The following TIAM1 variants were observed in gnomAD, a reference collection of about 807,000 sequenced individuals.
TIAM1 encodes the protein rho guanine nucleotide exchange factor TIAM1.
Under a neutral mutation model 163.5 loss-of-function variants are expected in TIAM1, and 65 were observed. That is an observed-to-expected ratio of 0.40 (90% confidence interval 0.33 to 0.49). The LOEUF (loss-of-function observed/expected upper bound fraction) is 0.49, where lower values mean the gene tolerates loss of function less well. Ranked by LOEUF, TIAM1 falls within the 20% of genes least tolerant of loss-of-function variation. TIAM1 has a pLI of 0.77. For missense variants in TIAM1, 1,789 were observed against 2,044.7 expected (o/e 0.87, Z 2.41); for synonymous variants, 833 against 810.1 (o/e 1.03, Z -0.48).
chr21:31,460,655 T>C (rs1875833879), intron 2 of TIAM1, among the ~76,000 whole-genome samples: 1 of 152,132 alleles, frequency 6.6e-6, no homozygotes. Context: ...GAAGTGCTAC[T>C]GTTGAAGAAC....
At chr21:31,485,855 T>A (rs970271676) in intron 1 of TIAM1, among the ~76,000 whole-genome samples, 3 of 152,144 alleles carry the variant, frequency 2.0e-5, no homozygotes, top group Non-Finnish European at 2.9e-5. Flanking sequence ...ATTCCTACTT[T>A]GCAGATGAGG....
intron 1 of TIAM1, among the ~76,000 whole-genome samples, chr21:31,512,091 T>A (rs1228466123): frequency 6.6e-6 from 1 of 152,070 alleles, no homozygotes; most frequent in Non-Finnish European, 1.5e-5. Context: ...CTGCAATTTA[T>A]TTTATTTGTT....
At chr21:31,298,799 TGAGAGAGA>T (rs72318608) in intron 2 of TIAM1, among the ~76,000 whole-genome samples, 90 of 130,024 alleles carry the variant, frequency 6.9e-4, no homozygotes, top group Non-Finnish European at 9.9e-4. Context: ...AAAAAAACAA[TGAGAGAGA>T]GAGAGAGAGA....
At chr21:31,283,689 C>A (rs1342869688) in intron 2 of TIAM1, among the ~76,000 whole-genome samples, 1 of 152,156 alleles carries the variant, frequency 6.6e-6, no homozygotes. Context: ...GGACTACAAG[C>A]GCACATCATG....
At chr21:31,483,558 G>A (rs866590517) in intron 1 of TIAM1, among the ~76,000 whole-genome samples, 4 of 151,936 alleles carry the variant, frequency 2.6e-5, no homozygotes, top group Admixed American at 2.6e-4. Flanking sequence ...ATTCATTTTG[G>A]GACAACCAGA....
intron 2 of TIAM1, among the ~76,000 whole-genome samples, chr21:31,430,512 T>C (rs1391043991): frequency 2.0e-5 from 3 of 151,914 alleles, no homozygotes; most frequent in Non-Finnish European, 4.4e-5. Flanking sequence ...TTTATACTTA[T>C]GTATTATGTA....
chr21:31,371,103 T>A (rs1434301322), intron 2 of TIAM1, among the ~76,000 whole-genome samples: 1 of 152,220 alleles, frequency 6.6e-6, no homozygotes, highest in East Asian at 1.9e-4. Flanking sequence ...TCATCAAAAG[T>A]TCCTGACAAC....
At chr21:31,445,413 G>A (rs1359047830) in intron 2 of TIAM1, among the ~76,000 whole-genome samples, 1 of 152,190 alleles carries the variant, frequency 6.6e-6, no homozygotes, top group African/African-American at 2.4e-5. Context: ...TGCTGAAAGA[G>A]GGGCAATGGC....
At chr21:31,390,996 G>A (rs2076956551) in intron 2 of TIAM1, among the ~76,000 whole-genome samples, 1 of 152,162 alleles carries the variant, frequency 6.6e-6, no homozygotes, top group South Asian at 2.1e-4. Context: ...AAGGCAGACA[G>A]GCAGATACCT....
intron 12 of TIAM1, among the ~76,000 whole-genome samples, chr21:31,195,610 T>C (rs917367930): frequency 2.6e-5 from 4 of 152,080 alleles, no homozygotes; most frequent in African/African-American, 7.2e-5. Context: ...TCTCTAGTTG[T>C]GGGGAGAAAA....
intron 14 of TIAM1, among the ~76,000 whole-genome samples, chr21:31,184,200 G>A (rs190407551): frequency 4.0e-5 from 6 of 151,896 alleles, no homozygotes; most frequent in South Asian, 2.1e-4. Flanking sequence ...CTGCCTCCCC[G>A]GTTCGAGTGA....
intron 6 of TIAM1, among the ~76,000 whole-genome samples, chr21:31,227,084 G>GTA (rs1014342239): frequency 3.3e-5 from 5 of 151,406 alleles, no homozygotes; most frequent in African/African-American, 1.2e-4. Flanking sequence ...AGCCTCCCGA[G>GTA]TAGCTGGGAC....
At chr21:31,155,781 G>A (rs539117496) in intron 16 of TIAM1, among the ~76,000 whole-genome samples, 18 of 152,172 alleles carry the variant, frequency 1.2e-4, no homozygotes, top group African/African-American at 2.2e-4. Flanking sequence ...GATTACAGGC[G>A]TGAGCCACCG....
intron 2 of TIAM1, among the ~76,000 whole-genome samples, chr21:31,445,738 T>C (rs2044598519): frequency 6.6e-6 from 1 of 152,118 alleles, no homozygotes; most frequent in South Asian, 2.1e-4. Flanking sequence ...CATTGTTTCC[T>C]GGATCGGACT....
At chr21:31,388,312 G>A (rs9980319) in intron 2 of TIAM1, among the ~76,000 whole-genome samples, 22,707 of 149,586 alleles carry the variant, frequency 0.15, 1,899 homozygotes, top group Middle Eastern at 0.35. Context: ...AATGCCAGAA[G>A]TTGATCTCCA....
At position 31,483,069 on chromosome 21, in the gene TIAM1, C is replaced by T. The variant is rs563023463; in HGVS notation, c.-421-19034G>A. Among the ~76,000 whole-genome samples the T allele has an allele frequency of 2.6e-5, 4 of 152,286 alleles. No individual in the cohort carries two copies. The South Asian group carries it at 8.3e-4, about 32-fold the overall frequency. On this transcript the variant is annotated intron_variant, in intron 1 of 28. Coordinates refer to the TIAM1 transcript ENST00000286827. ...ACCCAAGTGTATCTGGCTGTAAAGG[C>T]CATGGTCTTGGTATCACACCATGGC...
intron 5 of TIAM1, among the ~76,000 whole-genome samples, chr21:31,249,957 G>A (rs1283005925): frequency 6.6e-6 from 1 of 152,024 alleles, no homozygotes; most frequent in African/African-American, 2.4e-5. Flanking sequence ...ATGAGCCTGG[G>A]CAACATAGTA....
chr21:31,224,015 C>T (rs1055388609), intron 7 of TIAM1, among the ~76,000 whole-genome samples: 2 of 152,252 alleles, frequency 1.3e-5, no homozygotes, highest in East Asian at 1.9e-4. Flanking sequence ...TTGGGAAGAG[C>T]GGGGTAGCCC....
intron 4 of TIAM1, among the ~76,000 whole-genome samples, chr21:31,258,093 T>C (rs910260088): frequency 6.7e-5 from 10 of 150,104 alleles, no homozygotes; most frequent in African/African-American, 2.4e-4. Context: ...TTCCTCAACA[T>C]GCCCTGTCTT....
Sources: gnomAD v4.1 joint callset for allele counts (sites outside exome capture counted in the v4.1 genomes callset) on GRCh38, gnomAD v4.1.1 for gene constraint, MANE v1.5 for transcripts, NCBI Gene and HGNC (gene_info 2026-07-23, HGNC 2026-07-21) for gene names.